The following TTBK2 variants were observed in gnomAD, a reference collection of about 807,000 sequenced individuals.
TTBK2 encodes the protein tau-tubulin kinase 2.
A neutral mutation model predicts 110.8 loss-of-function variants in TTBK2; 28 were observed. That is an observed-to-expected ratio of 0.25 (90% CI 0.19 to 0.35). The LOEUF is 0.35. Among genes scored for constraint, TTBK2 ranks in the 10% least tolerant of loss-of-function variants. TTBK2 has a pLI of 1.00. For synonymous variants in TTBK2, 532 were observed against 527.3 expected (o/e 1.01, Z -0.12); for missense variants, 1,369 against 1,500.3 (o/e 0.91, Z 1.45).
In TTBK2 at chr15:42,792,275, G is replaced by A. The variant is rs142577354; in HGVS notation, c.980+2369C>T. On this transcript the variant is annotated intron_variant, in intron 10 of 14. Transcript: ENST00000267890. ...CTGATTTGATCACAACACATTGCAT[G>A]CATGTATTAAAATATTGCATGTATC... Among the ~76,000 whole-genome samples, 217 of 152,292 alleles carry A rather than the reference G, an allele frequency of 1.4e-3. 2 individuals carry two copies. Among genetic ancestry groups the A allele is most frequent in the Admixed American group, 4.6e-3 (70 of 15,294 alleles).
At chr15:42,897,876 A>G (rs1190328156) in intron 1 of TTBK2, among the ~76,000 whole-genome samples, 2 of 150,930 alleles carry the variant, frequency 1.3e-5, no homozygotes, top group Non-Finnish European at 2.9e-5. Flanking sequence ...GGAACTTCCA[A>G]TCAGCTTCAC....
At chr15:42,900,271 C>T (rs1157176536) in intron 1 of TTBK2, among the ~76,000 whole-genome samples, 1 of 152,052 alleles carries the variant, frequency 6.6e-6, no homozygotes, top group Non-Finnish European at 1.5e-5. Context: ...GGATTACAGG[C>T]ATGAGCCACC....
chr15:42,886,254 T>C (rs1165251125), intron 1 of TTBK2, among the ~76,000 whole-genome samples: 1 of 152,084 alleles, frequency 6.6e-6, no homozygotes, highest in African/African-American at 2.4e-5. Flanking sequence ...TCTCCCACCC[T>C]ATAACCCTTC....
intron 1 of TTBK2, among the ~76,000 whole-genome samples, chr15:42,893,664 A>G (rs1003913359): frequency 8.8e-6 from 1 of 113,658 alleles, no homozygotes; most frequent in Non-Finnish European, 1.6e-5. Context: ...CAGAAACGTC[A>G]TAGAAAAAAA....
At chr15:42,813,413 G>T (rs1397541433) in intron 7 of TTBK2, among the ~76,000 whole-genome samples, 5 of 151,972 alleles carry the variant, frequency 3.3e-5, no homozygotes, top group Admixed American at 3.3e-4. Flanking sequence ...TCCCAGCTAT[G>T]CAGGAGGCTG....
chr15:42,841,568 T>C (rs1049072619), intron 3 of TTBK2, among the ~76,000 whole-genome samples: 1 of 152,076 alleles, frequency 6.6e-6, no homozygotes, highest in Non-Finnish European at 1.5e-5. Context: ...ATTTGAAAAC[T>C]ACTGCAGGGT....
At chr15:42,794,293 G>A (rs571255676) in intron 10 of TTBK2, among the ~76,000 whole-genome samples, 2 of 152,122 alleles carry the variant, frequency 1.3e-5, no homozygotes, top group East Asian at 3.9e-4. Flanking sequence ...CTAAACTTTG[G>A]CACAGTATAG....
At chr15:42,834,195 A>AGGGGGGG (rs1187116010) in intron 4 of TTBK2, among the ~76,000 whole-genome samples, 6 of 119,212 alleles carry the variant, frequency 5.0e-5, no homozygotes, top group African/African-American at 2.4e-4. Flanking sequence ...AAAAAAAAAA[A>AGGGGGGG]AGGGGGGGGG....
At chr15:42,747,462 G>A (rs1399509310) in intron 14 of TTBK2, among the ~76,000 whole-genome samples, 4 of 152,290 alleles carry the variant, frequency 2.6e-5, no homozygotes, top group South Asian at 2.1e-4. Flanking sequence ...TCCACGATGG[G>A]GGGAGGAGGG....
At chr15:42,818,928 A>C (rs574385606) in intron 6 of TTBK2, among the ~76,000 whole-genome samples, 26 of 149,236 alleles carry the variant, frequency 1.7e-4, no homozygotes, top group Admixed American at 9.9e-4. Flanking sequence ...GTCTCAAAAA[A>C]AAAAAACAAA....
At chr15:42,795,720 GT>G (rs1207416616) in intron 9 of TTBK2, among the ~76,000 whole-genome samples, 1 of 151,760 alleles carries the variant, frequency 6.6e-6, no homozygotes, top group Non-Finnish European at 1.5e-5. Context: ...GTACACGCCT[GT>G]AATCCCAGCT....
chr15:42,823,738 ATT>A (rs57341447), intron 6 of TTBK2, among the ~76,000 whole-genome samples: 27 of 145,246 alleles, frequency 1.9e-4, no homozygotes, highest in Admixed American at 4.1e-4. Flanking sequence ...TTTTTGTGTG[ATT>A]TTTTTTTTTT....
At chr15:42,800,137 C>A in intron 9 of TTBK2, 1 of 352,580 alleles carries the variant, frequency 2.8e-6, no homozygotes. Flanking sequence ...ATTACTATGT[C>A]AGGATAATGA....
chr15:42,816,085 AATAT>A (rs71431870), intron 7 of TTBK2, among the ~76,000 whole-genome samples: 2,700 of 67,304 alleles, frequency 0.04, 63 homozygotes, highest in African/African-American at 0.077. Context: ...TAAATAAATA[AATAT>A]ATATATATAT....
chr15:42,885,327 G>C, intron 1 of TTBK2, among the ~76,000 whole-genome samples: 1 of 152,160 alleles, frequency 6.6e-6, no homozygotes, highest in East Asian at 1.9e-4. Flanking sequence ...ATTTTAAATC[G>C]GGTAAGCAGC....
chr15:42,819,082 T>C (rs1329761059), intron 6 of TTBK2, among the ~76,000 whole-genome samples: 1 of 151,400 alleles, frequency 6.6e-6, no homozygotes, highest in African/African-American at 2.4e-5. Context: ...TTTTCATTAG[T>C]ATAATTTTTG....
In TTBK2 at chr15:42,825,039, T is replaced by C. The variant is rs377430968; in HGVS notation, c.537+2889A>G. On this transcript the variant is annotated intron_variant, in intron 6 of 14. Transcript: ENST00000267890. ...AGGCAGGAAGATCACCTGAGCCCAG[T>C]AGTTTGAGGCTACAATGGGTTTGAT... Among the ~76,000 whole-genome samples, 106 of 152,114 alleles carry C rather than the reference T, an allele frequency of 7.0e-4. 2 individuals carry two copies. In the South Asian group the frequency reaches 0.022, roughly 32 times the overall value.
chr15:42,780,477 A>C (rs1442851009), intron 11 of TTBK2, among the ~76,000 whole-genome samples: 5 of 152,042 alleles, frequency 3.3e-5, no homozygotes, highest in Non-Finnish European at 7.4e-5. Flanking sequence ...GCTTAATTTT[A>C]GACTTTTAAG....
At chr15:42,753,875 C>G (rs1408907370) in intron 13 of TTBK2, among the ~76,000 whole-genome samples, 2 of 152,104 alleles carry the variant, frequency 1.3e-5, no homozygotes, top group African/African-American at 4.8e-5. Flanking sequence ...CTCTCCAAGT[C>G]CCTTTGAGTA....
Sources: allele counts gnomAD v4.1 joint callset (sites outside exome capture counted in the v4.1 genomes callset), GRCh38; gene constraint gnomAD v4.1.1; transcripts MANE v1.5; gene names NCBI Gene and HGNC (gene_info 2026-07-23, HGNC 2026-07-21).